The following FAM120A variants were observed in gnomAD, a reference collection of about 807,000 sequenced individuals.
FAM120A encodes the protein constitutive coactivator of PPAR-gamma-like protein 1.
Under a neutral mutation model 109.7 loss-of-function variants are expected in FAM120A, and 15 were observed. That is an observed-to-expected ratio of 0.14 (90% CI 0.09 to 0.21). FAM120A has a LOEUF of 0.21. Among genes scored for constraint, FAM120A ranks in the 10% least tolerant of loss-of-function variants. The pLI, the probability that FAM120A is intolerant of heterozygous loss-of-function variation, is 1.00. For synonymous variants in FAM120A, 493 were observed against 572.8 expected (o/e 0.86, Z 1.99); for missense variants, 899 against 1,439.3 (o/e 0.62, Z 6.07).
chr9:93,501,780 T>C (rs893198756), intron 5 of FAM120A, among the ~76,000 whole-genome samples: 1 of 152,208 alleles, frequency 6.6e-6, no homozygotes, highest in African/African-American at 2.4e-5. Context: ...TGTTTCAAGC[T>C]GCATACACAT....
intron 10 of FAM120A, among the ~76,000 whole-genome samples, chr9:93,538,537 A>T (rs1801808141): frequency 6.6e-6 from 1 of 152,206 alleles, no homozygotes; most frequent in African/African-American, 2.4e-5. Flanking sequence ...CCAGAAGTCT[A>T]GTCGGCCACC....
At chr9:93,528,559 T>C (rs1261685876) in intron 8 of FAM120A, among the ~76,000 whole-genome samples, 2 of 152,204 alleles carry the variant, frequency 1.3e-5, no homozygotes, top group Non-Finnish European at 2.9e-5. Context: ...GGTAATAATC[T>C]GGGGACCAGA....
In FAM120A at chr9:93,558,016, T is replaced by C. The variant is rs376915550; in HGVS notation, c.2668+6T>C. On this transcript the variant is annotated splice_donor_region_variant and intron_variant, in intron 14 of 17. Coordinates refer to ENST00000277165, the MANE Select transcript of FAM120A (RefSeq NM_014612.5). ...CAGGGGCAGAGGCTTTGCAGGTGAGTTGATTGGGACGTATTCCTGTGGGTA... is the reference window on the plus strand; with the variant it reads ...CAGGGGCAGAGGCTTTGCAGGTGAGCTGATTGGGACGTATTCCTGTGGGTA... 7.3e-4 allele frequency: 1,160 copies of C among 1,585,570 alleles called. 2 individuals carry two copies. The highest frequency in any genetic ancestry group is 1.2e-3 in the Admixed American group (68 of 57,750).
In FAM120A at chr9:93,452,584, C is replaced by G; in HGVS notation, c.474+195C>G. 1 of 1,597,160 alleles carries G rather than the reference C, an allele frequency of 6.3e-7. No individual in the cohort carries two copies. The highest frequency in any genetic ancestry group is 8.5e-7 in the Non-Finnish European group (1 of 1,178,814). On this transcript the variant is annotated intron_variant, in intron 1 of 17. Coordinates refer to ENST00000277165, the MANE Select transcript of FAM120A (RefSeq NM_014612.5). This position sits in a 1 kb window ranked among gnomAD's most constrained non-coding sequence, Gnocchi z 7.0. ...GGTGCAGGCCGCGCGCTGCCCAAGC[C>G]CGTCTCCAGCTGTCCCTGTTCGGGG...
rs149463666 is a variant in FAM120A, at chr9:93,483,436, C to T, written c.804+7098C>T. 1.8e-4 allele frequency among the ~76,000 whole-genome samples: 28 copies of T among 151,656 alleles called. No individual in the cohort carries two copies. In the East Asian group the frequency reaches 5.4e-3, roughly 29 times the overall value. ...AAAAAAAGAGAGACAGGCAAGATGA[C>T]GTAGTTTGACTGAACCCTCTGATTT... On this transcript the variant is annotated intron_variant, in intron 3 of 17. Transcript: ENST00000277165.
chr9:93,560,156 A>C (rs1294122076), intron 15 of FAM120A, among the ~76,000 whole-genome samples: 2 of 152,130 alleles, frequency 1.3e-5, no homozygotes, highest in East Asian at 3.9e-4. Context: ...TTAGCCAGGT[A>C]TGGTGGTGCA....
rs1862581420 is a variant in FAM120A at position 93,564,719 on chromosome 9, C to G, written c.*179C>G. ...TTAAACAACACATTTTTAGTTTTAA[C>G]CAGTTGTAGTCAAAATGCTACAATA... On this transcript the variant is annotated 3_prime_UTR_variant, in exon 18 of 18. Transcript: ENST00000277165. 4 of 523,466 alleles carry G rather than the reference C, an allele frequency of 7.6e-6. No individual in the cohort carries two copies. The highest frequency in any genetic ancestry group is 5.8e-5 in the African/African-American group (3 of 52,132). The allele number at this position is 523,466 out of a possible 1,614,324, so 32.4% of individuals were successfully genotyped here.
At chr9:93,503,862 TA>T (rs1461690462) in intron 5 of FAM120A, among the ~76,000 whole-genome samples, 1 of 151,852 alleles carries the variant, frequency 6.6e-6, no homozygotes, top group Non-Finnish European at 1.5e-5. Context: ...TATTTTAAAG[TA>T]AAGAGCTCGT....
At chr9:93,563,325 A>T (rs909385333) in intron 17 of FAM120A, among the ~76,000 whole-genome samples, 1 of 152,190 alleles carries the variant, frequency 6.6e-6, no homozygotes, top group African/African-American at 2.4e-5. Flanking sequence ...AAGGTGAAAA[A>T]CATCCATGTT....
chr9:93,469,830 G>A (rs28391568), intron 1 of FAM120A, among the ~76,000 whole-genome samples: 4,045 of 152,178 alleles, frequency 0.027, 174 homozygotes, highest in African/African-American at 0.092. Flanking sequence ...GAAAAGGTTT[G>A]CTTTGCCTCT....
intron 7 of FAM120A, among the ~76,000 whole-genome samples, chr9:93,521,826 G>T (rs1006102381): frequency 4.6e-5 from 7 of 152,200 alleles, no homozygotes; most frequent in Non-Finnish European, 1.0e-4. Flanking sequence ...AATGGCTCAT[G>T]CCTGTAATTT....
At chr9:93,509,632 A>T (rs1860223540) in intron 5 of FAM120A, among the ~76,000 whole-genome samples, 1 of 152,228 alleles carries the variant, frequency 6.6e-6, no homozygotes. Context: ...AAAATGTTAT[A>T]TTAAATCCTC....
chr9:93,505,298 G>C (rs536260014), intron 5 of FAM120A, among the ~76,000 whole-genome samples: 2 of 152,096 alleles, frequency 1.3e-5, no homozygotes, highest in Non-Finnish European at 2.9e-5. Flanking sequence ...CTGACCTCGT[G>C]ATCCGCCCGC....
At chr9:93,564,117 G>A (rs1862561367) in intron 17 of FAM120A, 112 bp from the exon 18 acceptor site, 10 of 1,049,292 alleles carry the variant, frequency 9.5e-6, no homozygotes, top group Non-Finnish European at 1.3e-5. Context: ...GACCCAGCTG[G>A]GCATTTTCTG....
In FAM120A at chr9:93,541,177, C is replaced by G. The variant is rs1022114719; in HGVS notation, c.1910-2045C>G. Reference sequence around the variant, plus strand: ...GTGATGTGTGTGTCCTATGTGTTTGCGAGGTGTGGTTATGTAGAGTAATCT... The same window carrying G: ...GTGATGTGTGTGTCCTATGTGTTTGGGAGGTGTGGTTATGTAGAGTAATCT... On this transcript the variant is annotated intron_variant, in intron 10 of 17. Transcript: ENST00000277165. 2.0e-5 allele frequency among the ~76,000 whole-genome samples: 3 copies of G among 151,982 alleles called. No individual in the cohort carries two copies. In the East Asian group the frequency reaches 5.8e-4, roughly 29 times the overall value.
Position 93,498,161 on chromosome 9 carries a change from G to T in FAM120A, c.933+562G>T, listed in dbSNP as rs886568866. ...TGTAATCCCAGTACTCTGGGAGGCC[G>T]AGGCGGGCGGATCACGAGGTCAGGA... On this transcript the variant is annotated intron_variant, in intron 4 of 17. Coordinates refer to ENST00000277165, the MANE Select transcript of FAM120A (RefSeq NM_014612.5). This position sits in a 1 kb window ranked among gnomAD's most constrained non-coding sequence, Gnocchi z 4.4. 6.6e-6 allele frequency among the ~76,000 whole-genome samples: 1 copy of T among 152,194 alleles called. No homozygotes were observed. The highest frequency in any genetic ancestry group is 1.5e-5 in the Non-Finnish European group (1 of 68,024).
chr9:93,536,690 T>A (rs6479493), intron 10 of FAM120A, among the ~76,000 whole-genome samples: 78,996 of 152,040 alleles, frequency 0.52, 20,804 homozygotes, highest in East Asian at 0.59. Context: ...TTCATTTTTA[T>A]AGTCACTATA....
chr9:93,529,983 TA>T (rs1861265871), intron 9 of FAM120A: 2 of 386,972 alleles, frequency 5.2e-6, no homozygotes, highest in South Asian at 6.8e-5. Context: ...GCTTAGAAAA[TA>T]ATGTTTCCCC....
At position 93,529,404 on chromosome 9, in the gene FAM120A, G is replaced by A; in HGVS notation, c.1558G>A (p.Gly520Arg). 1 of 1,613,648 alleles carries A rather than the reference G, an allele frequency of 6.2e-7. No homozygotes were observed. Among genetic ancestry groups the A allele is most frequent in the Middle Eastern group, 1.7e-4 (1 of 6,058 alleles). The change falls in exon 9 of 18, where the codon GGA becomes AGA. Residue 520 changes from glycine (G) to arginine (R), a missense_variant. Gly to Arg is a moderately radical substitution (Grantham distance 125, BLOSUM62 -2). Around this residue, in one of 11 missense-constraint regions of FAM120A, gnomAD observed 57 missense variants for 52.9 expected, o/e 1.08. Transcript: ENST00000277165. ...SSGSQLAEGK[G>R]SQMGTVQPIP... ...AGGAAGCCAACTAGCCGAAGGCAAG[G>A]GAAGCCAGATGGGCACTGTCCAGCC...
Sources: allele counts gnomAD v4.1 joint callset (sites outside exome capture counted in the v4.1 genomes callset), GRCh38; gene constraint gnomAD v4.1.1; regional missense constraint gnomAD v4.1.1; non-coding constraint Gnocchi (gnomAD v3.1); transcripts MANE v1.5; gene names NCBI Gene and HGNC (gene_info 2026-07-23, HGNC 2026-07-21).